Variants in ADAM17 observed in about 807,000 individuals in gnomAD.
The protein encoded by ADAM17 is disintegrin and metalloproteinase domain-containing protein 17.
Under a neutral mutation model 96.7 loss-of-function variants are expected in ADAM17, and 39 were observed. That is an observed-to-expected ratio of 0.40 (90% CI 0.31 to 0.53). ADAM17 has a LOEUF of 0.53. Among genes scored for constraint, ADAM17 ranks in the 20% least tolerant of loss-of-function variants. The probability of loss-of-function intolerance (pLI) is 0.44; values close to 1 mark genes in which losing one functional copy is unlikely to be tolerated. For synonymous variants in ADAM17, 344 were observed against 359.2 expected (o/e 0.96, Z 0.48); for missense variants, 777 against 1,013.2 (o/e 0.77, Z 3.17).
chr2:9,520,952 G>A (rs1205229938), intron 8 of ADAM17, among the ~76,000 whole-genome samples: 9 of 25,788 alleles, frequency 3.5e-4, no homozygotes, highest in Non-Finnish European at 8.3e-4. Flanking sequence ...CAACAAGAGT[G>A]AAACTCTGTC....
At chr2:9,543,092 T>C in intron 2 of ADAM17, 61 bp downstream of exon 2, 1 of 1,476,636 alleles carries the variant, frequency 6.8e-7, no homozygotes, top group Non-Finnish European at 9.0e-7. Context: ...CCTTACTTTT[T>C]TGTTTTTGCC....
chr2:9,552,540 T>C (rs1250587158), intron 1 of ADAM17, among the ~76,000 whole-genome samples: 1 of 152,228 alleles, frequency 6.6e-6, no homozygotes, highest in Non-Finnish European at 1.5e-5. Context: ...AAATCAGCAC[T>C]GCAATATGGA....
intron 7 of ADAM17, 47 bp downstream of exon 7, chr2:9,523,202 T>G: frequency 1.4e-6 from 2 of 1,411,644 alleles, no homozygotes; most frequent in Non-Finnish European, 2.0e-6. Flanking sequence ...GACAAATATT[T>G]ACATTACAAA....
Position 9,490,265 on chromosome 2 carries a change from G to A in ADAM17, c.2387C>T (p.Thr796Met), listed in dbSNP as rs572250428. Residue 796 changes from threonine (T) to methionine (M), a missense_variant, in exon 19 of 19, where the codon ACG becomes ATG. Thr to Met is a moderately conservative substitution (Grantham distance 81). This residue lies in a region of ADAM17 where 197 missense variants were observed against 219.4 expected (regional missense o/e 0.90). Coordinates refer to ENST00000310823, the MANE Select transcript of ADAM17 (RefSeq NM_003183.6). ...TTCACTTCTGGTGACCGGATGGTCC[G>A]TGAGATCCTCAAATGACTTGGCAGC... Reference protein sequence around the residue: ...STAAKSFEDLTDHPVTRSEKA... With the variant: ...STAAKSFEDLMDHPVTRSEKA... 1.4e-5 allele frequency: 22 copies of A among 1,613,946 alleles called. No homozygotes were observed. The highest frequency in any genetic ancestry group is 6.7e-5 in the East Asian group (3 of 44,896).
intron 1 of ADAM17, among the ~76,000 whole-genome samples, chr2:9,544,905 T>C (rs577227924): frequency 2.0e-5 from 3 of 152,188 alleles, no homozygotes; most frequent in Non-Finnish European, 2.9e-5. Flanking sequence ...GCAAAAACCT[T>C]GCACATATCA....
At chr2:9,553,978 C>T (rs538183316) in intron 1 of ADAM17, among the ~76,000 whole-genome samples, 1 of 151,806 alleles carries the variant, frequency 6.6e-6, no homozygotes, top group African/African-American at 2.4e-5. Flanking sequence ...AGGTGAACTG[C>T]TTGAACCCCG....
intron 18 of ADAM17, among the ~76,000 whole-genome samples, chr2:9,490,774 T>G (rs567642649): frequency 6.6e-6 from 1 of 152,314 alleles, no homozygotes; most frequent in East Asian, 1.9e-4. Flanking sequence ...ACTTACCATT[T>G]GAAGACCCAA....
At chr2:9,533,800 G>C (rs1664846672) in intron 4 of ADAM17, among the ~76,000 whole-genome samples, 1 of 152,102 alleles carries the variant, frequency 6.6e-6, no homozygotes, top group African/African-American at 2.4e-5. Flanking sequence ...AACTACAGAG[G>C]ACATGTGTCC....
intron 14 of ADAM17, 85 bp from the exon 15 acceptor site, chr2:9,494,852 C>A: frequency 6.6e-7 from 1 of 1,511,056 alleles, no homozygotes; most frequent in Non-Finnish European, 9.0e-7. Context: ...TGACCATGCT[C>A]CCAAAGAGGT....
intron 18 of ADAM17, 76 bp downstream of exon 18, chr2:9,491,025 G>A: frequency 7.5e-7 from 1 of 1,326,988 alleles, no homozygotes. Context: ...AGCTCTTGCT[G>A]GGTCAGGTGA....
chr2:9,543,305 G>C lies in ADAM17; in HGVS notation c.98-20C>G, dbSNP rs745910080. 1 of 1,566,048 alleles carries C rather than the reference G, an allele frequency of 6.4e-7. No homozygotes were observed. Among genetic ancestry groups the C allele is most frequent in the Non-Finnish European group, 8.6e-7 (1 of 1,159,612 alleles). Reference sequence around the variant, plus strand: ...GCTTCTCTGAAATAAAGGTAAAAAAGGTATTAGCATCTAAACCTAATAATC... The same window carrying C: ...GCTTCTCTGAAATAAAGGTAAAAAACGTATTAGCATCTAAACCTAATAATC... On this transcript the variant is annotated intron_variant, in intron 1 of 18. Transcript: ENST00000310823.
At chr2:9,549,601 C>G (rs1274368797) in intron 1 of ADAM17, among the ~76,000 whole-genome samples, 1 of 152,114 alleles carries the variant, frequency 6.6e-6, no homozygotes, top group Non-Finnish European at 1.5e-5. Context: ...AATCACCACT[C>G]ACTGCAGCCT....
chr2:9,494,638 T>G lies in ADAM17; in HGVS notation c.1913A>C (p.Asn638Thr). ...AAAAAGCTGTACATAAATACTCACATTCATGTCACAAAATCCTACTGTACA... is the reference window on the plus strand; with the variant it reads ...AAAAAGCTGTACATAAATACTCACAGTCATGTCACAAAATCCTACTGTACA... The part of the protein sequence containing the change: ...KPCTVGFCDM[N>T]GKCEKRVQDV... Residue 638 changes from asparagine to threonine, a missense_variant and splice_region_variant, in exon 15 of 19, where the codon AAT (asparagine) becomes ACT (threonine). This residue lies in a region of ADAM17 where 446 missense variants were observed against 664.7 expected (regional missense o/e 0.67). Coordinates refer to ENST00000310823, the MANE Select transcript of ADAM17 (RefSeq NM_003183.6). 1 of 1,613,848 alleles carries G rather than the reference T, an allele frequency of 6.2e-7. No individual in the cohort carries two copies. The highest frequency in any genetic ancestry group is 1.1e-5 in the South Asian group (1 of 91,014).
intron 4 of ADAM17, among the ~76,000 whole-genome samples, chr2:9,529,611 C>T (rs961422628): frequency 6.6e-6 from 1 of 152,060 alleles, no homozygotes; most frequent in Non-Finnish European, 1.5e-5. Flanking sequence ...AAGGATACAG[C>T]GTTTCTTTTT....
chr2:9,518,103 C>G lies in ADAM17; in HGVS notation c.1102G>C (p.Ala368Pro). 27 of 1,586,212 alleles carry G rather than the reference C, an allele frequency of 1.7e-5. No homozygotes were observed. The highest frequency in any genetic ancestry group is 2.2e-5 in the East Asian group (1 of 44,610). The change falls in exon 9 of 19, where the codon GCT becomes CCT. Residue 368 changes from alanine to proline, a missense_variant and splice_region_variant. Ala to Pro is a conservative substitution (Grantham distance 27, BLOSUM62 -1). Coordinates refer to ENST00000310823, the MANE Select transcript of ADAM17 (RefSeq NM_003183.6). ...ANSHGGVCPK[A>P]YYSPVGKKNI... ...TCACACAAGAAATGGAAAAACTTAC[C>G]CTTTGGACAAACACCTCCATGGCTG...
intron 11 of ADAM17, among the ~76,000 whole-genome samples, chr2:9,507,446 G>C: frequency 6.6e-6 from 1 of 152,126 alleles, no homozygotes; most frequent in East Asian, 1.9e-4. Context: ...AGGTTGCAGT[G>C]AGCAGAGATC....
chr2:9,531,002 C>G (rs1307909718), intron 4 of ADAM17, among the ~76,000 whole-genome samples: 1 of 152,136 alleles, frequency 6.6e-6, no homozygotes, highest in African/African-American at 2.4e-5. Flanking sequence ...CTGTCACCCA[C>G]ATTGGAGTAC....
intron 1 of ADAM17, among the ~76,000 whole-genome samples, chr2:9,551,506 C>T (rs1665589596): frequency 6.6e-6 from 1 of 152,148 alleles, no homozygotes; most frequent in Non-Finnish European, 1.5e-5. Context: ...GTCGCCCAGG[C>T]TGGAGTGCAG....
rs564583366 is a variant in ADAM17 at position 9,548,629 on chromosome 2, T to C, written c.98-5344A>G. ...TTCTGGAGTTTCATATTCTATTTTG[T>C]TCCTTATACACAGTTGCAATTTCAT... On this transcript the variant is annotated intron_variant, in intron 1 of 18. Coordinates refer to ENST00000310823, the MANE Select transcript of ADAM17 (RefSeq NM_003183.6). 3.0e-4 allele frequency among the ~76,000 whole-genome samples: 46 copies of C among 152,358 alleles called. 1 individual carries two copies. The South Asian group carries it at 9.3e-3, about 31-fold the overall frequency.
Sources: allele counts gnomAD v4.1 joint callset (sites outside exome capture counted in the v4.1 genomes callset), GRCh38; gene constraint gnomAD v4.1.1; regional missense constraint gnomAD v4.1.1; transcripts MANE v1.5; gene names NCBI Gene and HGNC (gene_info 2026-07-23, HGNC 2026-07-21).